The following MYO5B variants were observed in gnomAD, a reference collection of about 807,000 sequenced individuals.
The protein encoded by MYO5B is unconventional myosin-Vb.
Under a neutral mutation model 229.3 loss-of-function variants are expected in MYO5B, and 143 were observed. The ratio of observed to expected loss-of-function variants is 0.62; its 90% CI spans 0.54 to 0.72. The LOEUF is 0.72. Ranked by LOEUF, MYO5B falls within the 30% of genes least tolerant of loss-of-function variation. MYO5B has a pLI of 0.00. For synonymous variants in MYO5B, 918 were observed against 885.2 expected (o/e 1.04, Z -0.66); for missense variants, 2,321 against 2,331.0 (o/e 1.00, Z 0.09).
intron 22 of MYO5B, among the ~76,000 whole-genome samples, chr18:49,894,553 A>G (rs1787563): frequency 0.8 from 121,483 of 152,122 alleles, 48,644 homozygotes; most frequent in East Asian, 0.95. Flanking sequence ...ATCATGGGCA[A>G]GGGTGCCCAG....
At chr18:50,134,512 G>A (rs1335210482) in intron 1 of MYO5B, among the ~76,000 whole-genome samples, 2 of 151,638 alleles carry the variant, frequency 1.3e-5, no homozygotes, top group Admixed American at 6.6e-5. Context: ...CCGAGATCGC[G>A]CCATTGCACT....
At chr18:50,116,175 T>G (rs894502727) in intron 1 of MYO5B, among the ~76,000 whole-genome samples, 2 of 152,110 alleles carry the variant, frequency 1.3e-5, no homozygotes, top group African/African-American at 2.4e-5. Context: ...TAGACCAAAG[T>G]TTTCGGCCAT....
chr18:50,125,343 G>A (rs1384202805), intron 1 of MYO5B, among the ~76,000 whole-genome samples: 1 of 145,414 alleles, frequency 6.9e-6, no homozygotes, highest in Admixed American at 7.1e-5. Context: ...GACACAGGGT[G>A]GGGAACATCA....
chr18:49,959,174 C>T (rs1465482898), intron 12 of MYO5B, among the ~76,000 whole-genome samples: 4 of 152,206 alleles, frequency 2.6e-5, no homozygotes, highest in African/African-American at 7.2e-5. Flanking sequence ...GCTCTCCCCA[C>T]GACGCTCTTC....
chr18:49,966,857 G>T lies in MYO5B; in HGVS notation c.1323-3827C>A, dbSNP rs1004495524. ...TGAATGAGGGGCTCGGGCAGCTTGG[G>T]GAAACATCTAAAATGACAGACCTCA... On this transcript the variant is annotated intron_variant, in intron 10 of 39. Coordinates refer to ENST00000285039, the MANE Select transcript of MYO5B (RefSeq NM_001080467.3). Among the ~76,000 whole-genome samples, 10 of 152,308 alleles carry T rather than the reference G, an allele frequency of 6.6e-5. No individual in the cohort carries two copies. The East Asian group carries it at 1.9e-3, about 29-fold the overall frequency.
chr18:50,081,924 G>C (rs117785217), intron 1 of MYO5B, among the ~76,000 whole-genome samples: 1 of 152,088 alleles, frequency 6.6e-6, no homozygotes, highest in African/African-American at 2.4e-5. Context: ...CAAATTCTTG[G>C]TTATGGAACC....
intron 39 of MYO5B, among the ~76,000 whole-genome samples, chr18:49,829,155 C>T (rs865803561): frequency 4.0e-5 from 6 of 150,080 alleles, no homozygotes; most frequent in Non-Finnish European, 7.4e-5. Flanking sequence ...GATCTCTGCT[C>T]ACAATCTCCG....
chr18:49,933,611 C>T (rs75214725), intron 16 of MYO5B, among the ~76,000 whole-genome samples: 5,439 of 152,282 alleles, frequency 0.036, 120 homozygotes, highest in Non-Finnish European at 0.049. Context: ...TTAGCTGTCA[C>T]AATGATGGGA....
At chr18:50,000,332 GGTGTGAT>G (rs2026032457) in intron 5 of MYO5B, among the ~76,000 whole-genome samples, 1 of 152,164 alleles carries the variant, frequency 6.6e-6, no homozygotes, top group African/African-American at 2.4e-5. Flanking sequence ...TACTATTGTA[GGTGTGAT>G]GATAGAAGGG....
chr18:50,094,188 G>A (rs983814130), intron 1 of MYO5B, among the ~76,000 whole-genome samples: 5 of 152,142 alleles, frequency 3.3e-5, no homozygotes, highest in African/African-American at 1.2e-4. Context: ...GTAGACTAAC[G>A]GGTTGATTTG....
intron 14 of MYO5B, among the ~76,000 whole-genome samples, chr18:49,946,615 A>T (rs1297672930): frequency 6.6e-6 from 1 of 152,228 alleles, no homozygotes; most frequent in East Asian, 1.9e-4. Context: ...TTAAGAACAG[A>T]AAGTAAAAAC....
At chr18:49,961,157 G>C (rs897852032) in intron 12 of MYO5B, among the ~76,000 whole-genome samples, 3 of 152,172 alleles carry the variant, frequency 2.0e-5, no homozygotes, top group African/African-American at 7.2e-5. Flanking sequence ...GATGGCCTAG[G>C]CTGTGACTTC....
chr18:50,130,134 GACTGGGCTGGAA>G (rs2032231309), intron 1 of MYO5B, among the ~76,000 whole-genome samples: 1 of 152,180 alleles, frequency 6.6e-6, no homozygotes, highest in Non-Finnish European at 1.5e-5. Context: ...GCCACCAGGA[GACTGGGCTGGAA>G]TCAGCTGTCA....
At chr18:49,934,083 C>A (rs965132669) in intron 16 of MYO5B, among the ~76,000 whole-genome samples, 9 of 152,124 alleles carry the variant, frequency 5.9e-5, no homozygotes, top group Admixed American at 5.9e-4. Flanking sequence ...GCTATATTTC[C>A]CAGGCCGCTC....
At chr18:50,091,283 T>C (rs990329157) in intron 1 of MYO5B, among the ~76,000 whole-genome samples, 1 of 152,218 alleles carries the variant, frequency 6.6e-6, no homozygotes, top group Admixed American at 6.5e-5. Flanking sequence ...CTAACATCAA[T>C]GCTATGCATT....
At chr18:49,967,291 G>A (rs147212013) in intron 10 of MYO5B, among the ~76,000 whole-genome samples, 11 of 152,318 alleles carry the variant, frequency 7.2e-5, no homozygotes, top group East Asian at 1.9e-4. Context: ...GGTAGTGTCC[G>A]TTGGAAAGTG....
intron 1 of MYO5B, among the ~76,000 whole-genome samples, chr18:50,109,581 T>G (rs1028038835): frequency 6.6e-6 from 1 of 152,004 alleles, no homozygotes; most frequent in African/African-American, 2.4e-5. Context: ...GCCGCCACCA[T>G]GCTTGGCTAA....
intron 24 of MYO5B, among the ~76,000 whole-genome samples, chr18:49,878,086 T>A (rs1209689768): frequency 2.0e-5 from 3 of 152,146 alleles, no homozygotes; most frequent in Non-Finnish European, 1.5e-5. Flanking sequence ...CCACTTTTCA[T>A]CTCTTAATGA....
chr18:49,829,046 A>C (rs150672361), intron 39 of MYO5B, among the ~76,000 whole-genome samples: 8 of 151,892 alleles, frequency 5.3e-5, no homozygotes, highest in African/African-American at 1.9e-4. Flanking sequence ...TCAATACCCA[A>C]AACAAATGAA....
Sources: allele counts gnomAD v4.1 joint callset (sites outside exome capture counted in the v4.1 genomes callset), GRCh38; gene constraint gnomAD v4.1.1; transcripts MANE v1.5; gene names NCBI Gene and HGNC (gene_info 2026-07-23, HGNC 2026-07-21).